The following SKAP2 variants were observed in gnomAD, a reference collection of about 807,000 sequenced individuals.
SKAP2 encodes the protein src kinase associated phosphoprotein 2, also known as src kinase-associated phosphoprotein 2.
A neutral mutation model predicts 54.9 loss-of-function variants in SKAP2; 28 were observed. The ratio of observed to expected loss-of-function variants is 0.51; its 90% CI spans 0.38 to 0.70. The LOEUF (loss-of-function observed/expected upper bound fraction) is 0.70. Among genes scored for constraint, SKAP2 ranks in the 30% least tolerant of loss-of-function variants. The pLI, the probability that SKAP2 is intolerant of heterozygous loss-of-function variation, is 0.00. For synonymous variants in SKAP2, 137 were observed against 134.3 expected (o/e 1.02, Z -0.14); for missense variants, 356 against 424.1 (o/e 0.84, Z 1.41).
At chr7:26,791,063 G>T (rs1783665036) in intron 4 of SKAP2, among the ~76,000 whole-genome samples, 1 of 151,832 alleles carries the variant, frequency 6.6e-6, no homozygotes, top group African/African-American at 2.4e-5. Context: ...AAAAATCCAG[G>T]ATGTACAGTT....
chr7:26,694,460 ATTT>A (rs34338289), intron 9 of SKAP2, among the ~76,000 whole-genome samples: 5 of 141,358 alleles, frequency 3.5e-5, no homozygotes, highest in Non-Finnish European at 3.1e-5. Context: ...TCATCAGGAG[ATTT>A]TTTTTTTTTT....
At chr7:26,661,402 C>A in the SKAP2 span, among the ~76,000 whole-genome samples, 4 of 152,094 alleles carry the variant, frequency 2.6e-5, no homozygotes, top group African/African-American at 9.7e-5. Flanking sequence ...AGAAACAGTT[C>A]ATAAAAGGAT....
At chr7:26,770,117 C>T (rs993987792) in intron 4 of SKAP2, among the ~76,000 whole-genome samples, 9 of 152,212 alleles carry the variant, frequency 5.9e-5, no homozygotes, top group African/African-American at 1.9e-4. Flanking sequence ...AAGCCCCTGA[C>T]TGAGGCTGCT....
chr7:26,825,229 A>AT (rs1199682770), intron 4 of SKAP2, among the ~76,000 whole-genome samples: 1 of 152,166 alleles, frequency 6.6e-6, no homozygotes, highest in Admixed American at 6.5e-5. Flanking sequence ...TGAGATACAG[A>AT]TATTAATACT....
intron 4 of SKAP2, among the ~76,000 whole-genome samples, chr7:26,749,932 T>C (rs1009858682): frequency 8.7e-6 from 1 of 115,104 alleles, no homozygotes; most frequent in Admixed American, 9.1e-5. Flanking sequence ...TTAACATTTA[T>C]TGAGCCTTTA....
intron 1 of SKAP2, among the ~76,000 whole-genome samples, chr7:26,861,605 A>G (rs1562639597): frequency 1.3e-5 from 2 of 148,160 alleles, no homozygotes; most frequent in African/African-American, 2.5e-5. Flanking sequence ...TGAGTTAACA[A>G]TAACAACCTC....
intron 4 of SKAP2, among the ~76,000 whole-genome samples, chr7:26,826,105 C>T (rs1028296255): frequency 1.0e-4 from 13 of 130,342 alleles, no homozygotes; most frequent in African/African-American, 3.6e-4. Flanking sequence ...CCAGACCTAG[C>T]CAATTCGTGC....
At chr7:26,805,912 A>G (rs1784015478) in intron 4 of SKAP2, among the ~76,000 whole-genome samples, 1 of 152,176 alleles carries the variant, frequency 6.6e-6, no homozygotes, top group Non-Finnish European at 1.5e-5. Context: ...CTGTCGAGAA[A>G]GTCTATCGGC....
At chr7:26,665,363 A>C (rs1786087867), downstream of SKAP2, among the ~76,000 whole-genome samples, 1 of 151,910 alleles carries the variant, frequency 6.6e-6, no homozygotes, top group African/African-American at 2.4e-5. Flanking sequence ...TCACAATCTC[A>C]CTCAATTCTG....
intron 6 of SKAP2, among the ~76,000 whole-genome samples, chr7:26,733,495 A>G (rs578180060): frequency 6.6e-6 from 1 of 152,242 alleles, no homozygotes; most frequent in East Asian, 1.9e-4. Context: ...TTATACAAAT[A>G]TAAGTACTGT....
At position 26,853,996 on chromosome 7, in the gene SKAP2, C is replaced by T. The variant is rs910362219; in HGVS notation, c.199+141G>A. 8.8e-5 allele frequency: 50 copies of T among 567,930 alleles called. 1 individual carries two copies. The highest frequency in any genetic ancestry group is 3.1e-5 in the Non-Finnish European group (10 of 318,490). The allele number at this position is 567,930 out of a possible 1,614,324, so 35.2% of individuals were successfully genotyped here. A position where few individuals can be genotyped will look rare whatever the true frequency, so the allele number is the denominator to read the frequency against. On this transcript the variant is annotated intron_variant, in intron 3 of 12. Transcript: ENST00000345317. ...CTTCTCAGCAGGGGGAGCTAGCACT[C>T]TCATCTTGAAGGTCTAAGTACACAT...
rs1375014837 is a variant in SKAP2, at chr7:26,670,199, G to A, written c.988-7C>T. On this transcript the variant is annotated splice_polypyrimidine_tract_variant and splice_region_variant and intron_variant, in intron 11 of 12. Transcript: ENST00000345317. Reference sequence around the variant, plus strand: ...AGCCATATCTATTGTATTCCTAATTGAAAACAATATGCAATATTAACCTTT... The same window carrying A: ...AGCCATATCTATTGTATTCCTAATTAAAAACAATATGCAATATTAACCTTT... The A allele has an allele frequency of 1.4e-6, 2 of 1,380,262 alleles. No individual in the cohort carries two copies. Among genetic ancestry groups the A allele is most frequent in the Non-Finnish European group, 2.1e-6 (2 of 967,338 alleles). The allele number at this position is 1,380,262 out of a possible 1,614,324, so 85.5% of individuals were successfully genotyped here.
chr7:26,855,925 C>A (rs1310105880), intron 1 of SKAP2, among the ~76,000 whole-genome samples: 2 of 151,962 alleles, frequency 1.3e-5, no homozygotes, highest in Non-Finnish European at 2.9e-5. Flanking sequence ...CTTTCTTTTT[C>A]CTTAACTACT....
At chr7:26,750,939 C>G (rs1444576345) in intron 4 of SKAP2, among the ~76,000 whole-genome samples, 1 of 152,018 alleles carries the variant, frequency 6.6e-6, no homozygotes, top group Admixed American at 6.6e-5. Context: ...TTTGCAACAG[C>G]TTTATGTTGT....
intron 4 of SKAP2, among the ~76,000 whole-genome samples, chr7:26,784,110 G>C (rs1239917279): frequency 2.7e-5 from 4 of 148,400 alleles, no homozygotes; most frequent in African/African-American, 1.0e-4. Flanking sequence ...ACTAACCTTG[G>C]GCACAGGGAC....
chr7:26,863,598 G>A (rs1056428808), intron 1 of SKAP2, among the ~76,000 whole-genome samples: 4 of 152,142 alleles, frequency 2.6e-5, no homozygotes, highest in Admixed American at 6.5e-5. Context: ...GATTCATAAT[G>A]CTACTGAAGA....
chr7:26,718,398 A>G (rs1267828855), intron 9 of SKAP2, among the ~76,000 whole-genome samples: 3 of 152,118 alleles, frequency 2.0e-5, no homozygotes, highest in African/African-American at 7.2e-5. Context: ...ATGTATATGT[A>G]TATTTAAAAA....
chr7:26,852,250 A>C (rs1785060373), intron 3 of SKAP2, among the ~76,000 whole-genome samples: 3 of 152,188 alleles, frequency 2.0e-5, no homozygotes, highest in Admixed American at 1.3e-4. Context: ...CCTGAAAATA[A>C]ATTCCTATTT....
the SKAP2 span, among the ~76,000 whole-genome samples, chr7:26,655,800 G>A: frequency 0.036 from 5,493 of 152,238 alleles, 332 homozygotes; most frequent in African/African-American, 0.12. Context: ...ATGACTGCAG[G>A]TAATGATGAA....
Sources: gnomAD v4.1 joint callset for allele counts (sites outside exome capture counted in the v4.1 genomes callset) on GRCh38, gnomAD v4.1.1 for gene constraint, MANE v1.5 for transcripts, NCBI Gene and HGNC (gene_info 2026-07-23, HGNC 2026-07-21) for gene names.